Variants in EPS8 observed in about 807,000 individuals in gnomAD.
EPS8 encodes EGFR pathway substrate 8, signaling adaptor.
In EPS8, 42 loss-of-function variants were observed where a neutral mutation model predicts 103.8. The ratio of observed to expected loss-of-function variants is 0.40; its 90% CI spans 0.32 to 0.52. The LOEUF (loss-of-function observed/expected upper bound fraction) is 0.52, where lower values mean the gene tolerates loss of function less well. Ranked by LOEUF, EPS8 falls within the 20% of genes least tolerant of loss-of-function variation. The pLI, the probability that EPS8 is intolerant of heterozygous loss-of-function variation, is 0.40. For missense variants in EPS8, 969 were observed against 1,005.1 expected (o/e 0.96, Z 0.49); for synonymous variants, 344 against 344.6 (o/e 1.00, Z 0.02).
At chr12:15,712,265 A>G (rs2135961359) in intron 1 of EPS8, among the ~76,000 whole-genome samples, 1 of 152,254 alleles carries the variant, frequency 6.6e-6, no homozygotes, top group African/African-American at 2.4e-5. Context: ...TTAAATACAC[A>G]TATTCAACTG....
chr12:15,652,664 C>A (rs1945435544), intron 13 of EPS8, among the ~76,000 whole-genome samples: 1 of 152,078 alleles, frequency 6.6e-6, no homozygotes, highest in Admixed American at 6.6e-5. Context: ...ACAGCATACA[C>A]TATGCTATAC....
At chr12:15,636,656 GTAAGGGTA>G (rs1945140573) in intron 17 of EPS8, among the ~76,000 whole-genome samples, 1 of 152,152 alleles carries the variant, frequency 6.6e-6, no homozygotes, top group Admixed American at 6.5e-5. Flanking sequence ...TATAGGAAAT[GTAAGGGTA>G]TAAAAATAAG....
At chr12:15,775,452 T>G (rs1947198538) in intron 1 of EPS8, among the ~76,000 whole-genome samples, 1 of 152,158 alleles carries the variant, frequency 6.6e-6, no homozygotes, top group South Asian at 2.1e-4. Context: ...TAGCCAACGT[T>G]CCTTTGTGGA....
chr12:15,652,504 G>A (rs1023130011), intron 13 of EPS8, among the ~76,000 whole-genome samples: 2 of 152,016 alleles, frequency 1.3e-5, no homozygotes, highest in Non-Finnish European at 2.9e-5. Context: ...TAATTACCCT[G>A]ATTTCACCTT....
chr12:15,622,561 T>C (rs1485938376), intron 20 of EPS8, among the ~76,000 whole-genome samples: 2 of 152,172 alleles, frequency 1.3e-5, no homozygotes, highest in South Asian at 4.1e-4. Context: ...ATATAGCACA[T>C]TTTAAGTCTA....
intron 1 of EPS8, among the ~76,000 whole-genome samples, chr12:15,722,981 C>G (rs888593874): frequency 1.3e-5 from 2 of 148,736 alleles, no homozygotes; most frequent in African/African-American, 5.0e-5. Context: ...ACACTCTCAC[C>G]AAAACACTGG....
At chr12:15,661,976 T>C (rs1945613013) in intron 9 of EPS8, 50 bp downstream of exon 9, 1 of 1,347,272 alleles carries the variant, frequency 7.4e-7, no homozygotes, top group Non-Finnish European at 1.0e-6. Flanking sequence ...AAGTTTTCTT[T>C]TTCCTCTTAA....
chr12:15,635,239 G>T (rs952148089), intron 17 of EPS8, among the ~76,000 whole-genome samples: 1 of 152,030 alleles, frequency 6.6e-6, no homozygotes, highest in African/African-American at 2.4e-5. Flanking sequence ...ATGTACATGT[G>T]CATGTCAGAC....
chr12:15,621,471 TGCAGG>T, intron 20 of EPS8, 41 bp from the exon 21 acceptor site: 17 of 1,093,716 alleles, frequency 1.6e-5, no homozygotes, highest in Non-Finnish European at 2.3e-5. Context: ...TACTGACTTG[TGCAGG>T]CTGCAGGTCA....
chr12:15,783,715 T>TAAAAAAAAAAAAAAAAAAAAAAAAA (rs34686335), intron 1 of EPS8, among the ~76,000 whole-genome samples: 1 of 95,368 alleles, frequency 1.0e-5, no homozygotes. Flanking sequence ...TCTGAGTTAG[T>TAAAAAAAAAAAAAAAAAAAAAAAAA]AAAAAAAAAA....
Position 15,714,457 on chromosome 12 carries a change from C to CA in EPS8, c.-21-31486dup. ...AGGAAGTCAAGAGCAGCCTGGGCAA[C>CA]ATACCAAGACCCCATCTCCACAAAA... is the stretch of plus-strand genomic sequence containing the variant. On this transcript the variant is annotated intron_variant, in intron 1 of 20. Transcript: ENST00000281172. The surrounding 1 kb of genome is among the most constrained non-coding windows in gnomAD (Gnocchi z 4.1). Among the ~76,000 whole-genome samples, 1 of 152,198 alleles carries CA rather than the reference C, an allele frequency of 6.6e-6. No homozygotes were observed. Among genetic ancestry groups the CA allele is most frequent in the Non-Finnish European group, 1.5e-5 (1 of 68,008 alleles).
Position 15,745,558 on chromosome 12 carries a change from C to A in EPS8, c.-22+43603G>T, listed in dbSNP as rs201432260. Among the ~76,000 whole-genome samples, 41 of 145,242 alleles carry A rather than the reference C, an allele frequency of 2.8e-4. No homozygotes were observed. Among genetic ancestry groups the A allele is most frequent in the African/African-American group, 2.8e-4 (11 of 39,624 alleles). ...CTCCAAAAATCTATGACTATGTATC[C>A]AAAAAAAAAAAAAAATTCTTTAAAC... On this transcript the variant is annotated intron_variant, in intron 1 of 20. Coordinates refer to ENST00000281172, the MANE Select transcript of EPS8 (RefSeq NM_004447.6). The surrounding 1 kb of genome is among the most constrained non-coding windows in gnomAD (Gnocchi z 4.6).
intron 1 of EPS8, among the ~76,000 whole-genome samples, chr12:15,705,858 T>G (rs1467804350): frequency 6.6e-6 from 1 of 152,182 alleles, no homozygotes; most frequent in Non-Finnish European, 1.5e-5. Flanking sequence ...AAAACAGACT[T>G]ATGATATCCA....
Position 15,721,897 on chromosome 12 carries a change from T to G in EPS8, c.-21-38925A>C, listed in dbSNP as rs1946599972. 1.3e-5 allele frequency among the ~76,000 whole-genome samples: 2 copies of G among 151,764 alleles called. No individual in the cohort carries two copies. The highest frequency in any genetic ancestry group is 4.8e-5 in the African/African-American group (2 of 41,406). Reference sequence around the variant, plus strand: ...AAAACTATTTTAAGAACAAAAATCATGAGTCATCCTGCTAGCCAGAGACAA... The same window carrying G: ...AAAACTATTTTAAGAACAAAAATCAGGAGTCATCCTGCTAGCCAGAGACAA... On this transcript the variant is annotated intron_variant, in intron 1 of 20. Transcript: ENST00000281172. The surrounding 1 kb of genome is among the most constrained non-coding windows in gnomAD (Gnocchi z 4.4).
Position 15,640,791 on chromosome 12 carries a change from C to A in EPS8, c.1733G>T (p.Gly578Val), listed in dbSNP as rs1591811361. 1 of 1,613,868 alleles carries A rather than the reference C, an allele frequency of 6.2e-7. No homozygotes were observed. Among genetic ancestry groups the A allele is most frequent in the Non-Finnish European group, 8.5e-7 (1 of 1,179,770 alleles). Reference sequence around the variant, plus strand: ...ATCCAAAATGTTATTTGGCACAAATCCAGAGTCTCCACTTGCATTTCGAAC... The same window carrying A: ...ATCCAAAATGTTATTTGGCACAAATACAGAGTCTCCACTTGCATTTCGAAC... ...WKVRNASGDSGFVPNNILDIV... is the reference protein window; with the variant it reads ...WKVRNASGDSVFVPNNILDIV... The change falls in exon 17 of 21, where the codon GGA becomes GTA. Residue 578 changes from glycine to valine, a missense_variant. Coordinates refer to ENST00000281172, the MANE Select transcript of EPS8 (RefSeq NM_004447.6).
At chr12:15,770,090 A>C (rs962743472) in intron 1 of EPS8, among the ~76,000 whole-genome samples, 2 of 151,748 alleles carry the variant, frequency 1.3e-5, no homozygotes, top group African/African-American at 4.8e-5. Context: ...CTACAGGCAC[A>C]TGCCACCATG....
rs1946382195 is a variant in EPS8, at chr12:15,706,040, A to C, written c.-21-23068T>G. ...TTTTTTTTTAACTCAAAGAAGGCTA[A>C]CATTCAAGAATGACCCTGAATCTAT... On this transcript the variant is annotated intron_variant, in intron 1 of 20. Transcript: ENST00000281172. This position sits in a 1 kb window ranked among gnomAD's most constrained non-coding sequence, Gnocchi z 5.2. Among the ~76,000 whole-genome samples the C allele has an allele frequency of 6.6e-6, 1 of 152,170 alleles. No individual in the cohort carries two copies. Among genetic ancestry groups the C allele is most frequent in the Non-Finnish European group, 1.5e-5 (1 of 68,036 alleles).
At chr12:15,770,326 A>C (rs1947140928) in intron 1 of EPS8, among the ~76,000 whole-genome samples, 1 of 151,768 alleles carries the variant, frequency 6.6e-6, no homozygotes, top group South Asian at 2.1e-4. Flanking sequence ...GAAAGGGAAA[A>C]AGAAAGGAAG....
intron 18 of EPS8, among the ~76,000 whole-genome samples, chr12:15,627,572 A>T (rs1426095969): frequency 6.6e-6 from 1 of 152,178 alleles, no homozygotes; most frequent in Admixed American, 6.5e-5. Context: ...TCACATTTCA[A>T]TTAGTAGAAT....
Sources: gnomAD v4.1 joint callset for allele counts (sites outside exome capture counted in the v4.1 genomes callset) on GRCh38, gnomAD v4.1.1 for gene constraint, Gnocchi (gnomAD v3.1) non-coding constraint, MANE v1.5 for transcripts, NCBI Gene and HGNC (gene_info 2026-07-23, HGNC 2026-07-21) for gene names.